The following COL25A1 variants were observed in gnomAD, a reference collection of about 807,000 sequenced individuals.
The protein encoded by COL25A1 is collagen alpha-1(XXV) chain.
Under a neutral mutation model 128.4 loss-of-function variants are expected in COL25A1, and 103 were observed. The ratio of observed to expected loss-of-function variants is 0.80; its 90% CI spans 0.68 to 0.94. The LOEUF (loss-of-function observed/expected upper bound fraction) is 0.94, where lower values mean the gene tolerates loss of function less well. Among genes scored for constraint, COL25A1 ranks in the 40% least tolerant of loss-of-function variants. COL25A1 has a pLI of 0.00. For synonymous variants in COL25A1, 279 were observed against 277.2 expected (o/e 1.01, Z -0.06); for missense variants, 745 against 840.0 (o/e 0.89, Z 1.40).
chr4:108,841,618 C>G (rs1234297870), intron 31 of COL25A1, 77 bp downstream of exon 31: 2 of 1,176,578 alleles, frequency 1.7e-6, no homozygotes, highest in African/African-American at 3.0e-5. Flanking sequence ...TAAGATAGGA[C>G]AGACATGCTT....
intron 3 of COL25A1, among the ~76,000 whole-genome samples, chr4:109,237,496 GA>G (rs1779553178): frequency 2.6e-5 from 4 of 151,870 alleles, no homozygotes; most frequent in Admixed American, 6.6e-5. Flanking sequence ...AGTAAAGAGA[GA>G]AATAAAAATC....
At position 109,095,741 on chromosome 4, in the gene COL25A1, C is replaced by T. The variant is rs140363527; in HGVS notation, c.368-45562G>A. 2.4e-3 allele frequency among the ~76,000 whole-genome samples: 359 copies of T among 152,216 alleles called. 2 individuals carry two copies. Among genetic ancestry groups the T allele is most frequent in the African/African-American group, 8.0e-3 (331 of 41,516 alleles). On this transcript the variant is annotated intron_variant, in intron 3 of 37. Transcript: ENST00000399132. Reference sequence around the variant, plus strand: ...ATAAAGAATAATGGAGTAGCAGACACGGGTATTTGTAAAACAAGGCCTAGC... The same window carrying T: ...ATAAAGAATAATGGAGTAGCAGACATGGGTATTTGTAAAACAAGGCCTAGC...
intron 19 of COL25A1, among the ~76,000 whole-genome samples, chr4:108,871,760 A>G (rs1738745621): frequency 6.6e-6 from 1 of 152,232 alleles, no homozygotes; most frequent in Admixed American, 6.5e-5. Flanking sequence ...TAATTTTAGG[A>G]TCACAGTTTT....
At chr4:109,096,493 G>C (rs553426237) in intron 3 of COL25A1, among the ~76,000 whole-genome samples, 1 of 152,092 alleles carries the variant, frequency 6.6e-6, no homozygotes, top group Non-Finnish European at 1.5e-5. Flanking sequence ...GGTACCCTAG[G>C]AGCAACAGGC....
At chr4:109,138,772 G>T (rs1293189377) in intron 3 of COL25A1, among the ~76,000 whole-genome samples, 1 of 151,900 alleles carries the variant, frequency 6.6e-6, no homozygotes, top group African/African-American at 2.4e-5. Context: ...GCAGTGGCAC[G>T]ATCTCAGCTC....
rs1190670076 is a variant in COL25A1 at position 108,855,866 on chromosome 4, C to CATA, written c.1321-2942_1321-2941insTAT. Among the ~76,000 whole-genome samples the CATA allele has an allele frequency of 2.2e-4, 34 of 152,230 alleles. No homozygotes were observed. In the East Asian group the frequency reaches 6.6e-3, roughly 29 times the overall value. Reference sequence around the variant, plus strand: ...ATGCAGACACACAGAGAAGTCCTAACGATGTGGCTCACTGTGCATTTCTTA... The same window carrying CATA: ...ATGCAGACACACAGAGAAGTCCTAACATAGATGTGGCTCACTGTGCATTTCTTA... On this transcript the variant is annotated intron_variant, in intron 24 of 37. Transcript: ENST00000399132.
At chr4:108,983,487 G>A (rs1753248626) in intron 6 of COL25A1, among the ~76,000 whole-genome samples, 1 of 152,212 alleles carries the variant, frequency 6.6e-6, no homozygotes, top group South Asian at 2.1e-4. Flanking sequence ...GGCTACTTAA[G>A]AAACATTGTT....
At chr4:108,987,462 G>A (rs905833243) in intron 6 of COL25A1, among the ~76,000 whole-genome samples, 3 of 150,868 alleles carry the variant, frequency 2.0e-5, no homozygotes, top group East Asian at 1.9e-4. Context: ...TGCAACCTCC[G>A]CCTCCCGGGT....
chr4:108,945,810 A>C (rs1444546524), intron 8 of COL25A1, among the ~76,000 whole-genome samples: 1 of 152,042 alleles, frequency 6.6e-6, no homozygotes, highest in Non-Finnish European at 1.5e-5. Flanking sequence ...GACTACAGGC[A>C]TGCACCACCA....
intron 33 of COL25A1, among the ~76,000 whole-genome samples, chr4:108,825,747 A>G (rs1261484645): frequency 1.3e-5 from 2 of 152,226 alleles, no homozygotes; most frequent in Admixed American, 1.3e-4. Flanking sequence ...AAATGAGTAA[A>G]GAATGTAGAA....
At chr4:109,259,852 T>C (rs1010042942) in intron 3 of COL25A1, among the ~76,000 whole-genome samples, 2 of 152,136 alleles carry the variant, frequency 1.3e-5, no homozygotes, top group African/African-American at 2.4e-5. Flanking sequence ...GCAACACCAG[T>C]TTCAAAACAA....
At chr4:108,917,760 T>C (rs893774502) in intron 13 of COL25A1, among the ~76,000 whole-genome samples, 1 of 152,240 alleles carries the variant, frequency 6.6e-6, no homozygotes, top group Non-Finnish European at 1.5e-5. Context: ...AAAGTTTGAC[T>C]AGTTCCTTCT....
At position 109,210,935 on chromosome 4, in the gene COL25A1, C is replaced by T. The variant is rs151223611; in HGVS notation, c.367+89648G>A. ...TAACACAGGAACAGAAAACCAAATA[C>T]CGCATGTTCTCAATTATAAGTGGGA... On this transcript the variant is annotated intron_variant, in intron 3 of 37. Coordinates refer to ENST00000399132, the MANE Select transcript of COL25A1 (RefSeq NM_198721.4). Among the ~76,000 whole-genome samples the T allele has an allele frequency of 7.3e-3, 1,113 of 152,132 alleles. 11 individuals carry two copies. The highest frequency in any genetic ancestry group is 0.025 in the African/African-American group (1,022 of 41,528).
intron 3 of COL25A1, among the ~76,000 whole-genome samples, chr4:109,229,267 A>ATACACTAAAAAGT (rs1560901942): frequency 6.6e-6 from 1 of 152,224 alleles, no homozygotes; most frequent in African/African-American, 2.4e-5. Flanking sequence ...TGCAAAAGTT[A>ATACACTAAAAAGT]TAGTGTATAA....
intron 11 of COL25A1, among the ~76,000 whole-genome samples, chr4:108,921,492 T>C (rs1043670567): frequency 6.6e-6 from 1 of 152,218 alleles, no homozygotes; most frequent in Non-Finnish European, 1.5e-5. Context: ...ACACTCATCA[T>C]TTCATGTTAA....
chr4:109,034,583 C>T (rs1759169040), intron 5 of COL25A1, among the ~76,000 whole-genome samples: 1 of 152,160 alleles, frequency 6.6e-6, no homozygotes, highest in African/African-American at 2.4e-5. Flanking sequence ...GATGACCTAG[C>T]TTGGACCCAA....
At chr4:108,889,131 G>A in intron 18 of COL25A1, 90 bp downstream of exon 18, 2 of 1,166,362 alleles carry the variant, frequency 1.7e-6, no homozygotes, top group African/African-American at 1.5e-5. Flanking sequence ...GCATCATTTT[G>A]TAATAATTGT....
At chr4:108,930,222 G>C (rs1254303681) in intron 11 of COL25A1, among the ~76,000 whole-genome samples, 1 of 152,062 alleles carries the variant, frequency 6.6e-6, no homozygotes, top group African/African-American at 2.4e-5. Context: ...CCTTAGATCT[G>C]GCAAGGAGGC....
chr4:109,267,167 C>CACTGAGT (rs1160424039), intron 3 of COL25A1, among the ~76,000 whole-genome samples: 1 of 152,044 alleles, frequency 6.6e-6, no homozygotes. Context: ...AGGAAAAGTC[C>CACTGAGT]ACTGAGTTTT....
Sources: gnomAD v4.1 joint callset for allele counts (sites outside exome capture counted in the v4.1 genomes callset) on GRCh38, gnomAD v4.1.1 for gene constraint, MANE v1.5 for transcripts, NCBI Gene and HGNC (gene_info 2026-07-23, HGNC 2026-07-21) for gene names.